The following LDLRAD4 variants were observed in gnomAD, a reference collection of about 807,000 sequenced individuals.
LDLRAD4 encodes the protein low-density lipoprotein receptor class A domain-containing protein 4.
In LDLRAD4, 5 loss-of-function variants were observed where a neutral mutation model predicts 17.0. The ratio of observed to expected loss-of-function variants is 0.29; its 90% CI spans 0.15 to 0.62. LDLRAD4 has a LOEUF of 0.62. Ranked by LOEUF, LDLRAD4 falls within the 20% of genes least tolerant of loss-of-function variation. The pLI is 0.84. For missense variants in LDLRAD4, 340 were observed against 424.7 expected (o/e 0.80, Z 1.75); for synonymous variants, 168 against 171.8 (o/e 0.98, Z 0.17).
chr18:13,637,748 C>T (rs958911015), intron 4 of LDLRAD4, among the ~76,000 whole-genome samples: 1 of 151,964 alleles, frequency 6.6e-6, no homozygotes, highest in Non-Finnish European at 1.5e-5. Flanking sequence ...TGCCTGTAGT[C>T]CCAGCTACTC....
At chr18:13,311,991 C>A (rs963421261) in intron 1 of LDLRAD4, among the ~76,000 whole-genome samples, 1 of 152,086 alleles carries the variant, frequency 6.6e-6, no homozygotes, top group Non-Finnish European at 1.5e-5. Context: ...ACCACCACAC[C>A]CGGCTATTTT....
chr18:13,254,343 G>A (rs997183625), intron 1 of LDLRAD4, among the ~76,000 whole-genome samples: 1 of 152,222 alleles, frequency 6.6e-6, no homozygotes, highest in Non-Finnish European at 1.5e-5. Context: ...GCCTTGGGGA[G>A]CCATTGGAGT....
chr18:13,236,864 A>T (rs571568706), intron 1 of LDLRAD4, among the ~76,000 whole-genome samples: 1 of 152,138 alleles, frequency 6.6e-6, no homozygotes, highest in South Asian at 2.1e-4. Context: ...TGTCCCTGGA[A>T]CTGTGGACTC....
rs142763785 is a variant in LDLRAD4, at chr18:13,454,823, T to C, written c.181+16439T>C. 4.2e-3 allele frequency among the ~76,000 whole-genome samples: 639 copies of C among 152,338 alleles called. 3 individuals are homozygous for C. Among genetic ancestry groups the C allele is most frequent in the African/African-American group, 0.014 (585 of 41,566 alleles). On this transcript the variant is annotated intron_variant, in intron 3 of 5. Coordinates refer to ENST00000359446, the Ensembl canonical transcript of LDLRAD4. ...ATGAATGGGGATGTGTGGGATGTCA[T>C]GTTGCCTTTGGAGATCAGACCACTC...
chr18:13,442,129 A>G (rs1411829824), intron 3 of LDLRAD4, among the ~76,000 whole-genome samples: 2 of 152,264 alleles, frequency 1.3e-5, no homozygotes, highest in African/African-American at 4.8e-5. Context: ...TAAAATAATT[A>G]TACAAATTAT....
chr18:13,225,468 A>G (rs1289956936), intron 1 of LDLRAD4, among the ~76,000 whole-genome samples: 1 of 152,176 alleles, frequency 6.6e-6, no homozygotes, highest in East Asian at 1.9e-4. Context: ...CTAGCCCGGC[A>G]TGGGGCTGAT....
intron 3 of LDLRAD4, chr18:13,543,117 A>G (rs2094310220): frequency 6.6e-6 from 1 of 152,132 alleles, no homozygotes; most frequent in African/African-American, 2.4e-5. Flanking sequence ...TTTCTTTAAC[A>G]TGGTTCTTCT....
chr18:13,541,096 C>T (rs941545611), intron 3 of LDLRAD4, among the ~76,000 whole-genome samples: 1 of 152,172 alleles, frequency 6.6e-6, no homozygotes, highest in African/African-American at 2.4e-5. Flanking sequence ...CCCACACACA[C>T]CTCCAAAGCC....
chr18:13,387,484 G>A (rs2085923395), exon 2 of LDLRAD4: 2 of 452,164 alleles, frequency 4.4e-6, no homozygotes, highest in South Asian at 2.5e-5. Context: ...CCGCGCCATG[G>A]CCTCCGCGCC....
intron 3 of LDLRAD4, among the ~76,000 whole-genome samples, chr18:13,453,255 G>A (rs750681809): frequency 9.9e-5 from 15 of 152,164 alleles, no homozygotes; most frequent in Non-Finnish European, 2.2e-4. Context: ...GAGGAGGCCC[G>A]TGAACTGGTG....
intron 3 of LDLRAD4, among the ~76,000 whole-genome samples, chr18:13,533,128 C>T (rs912792423): frequency 2.0e-5 from 3 of 152,164 alleles, no homozygotes; most frequent in Middle Eastern, 3.2e-3. Flanking sequence ...GATAAGCCAG[C>T]GACCAATAGA....
At chr18:13,252,572 G>A (rs1260267466) in intron 1 of LDLRAD4, among the ~76,000 whole-genome samples, 1 of 152,188 alleles carries the variant, frequency 6.6e-6, no homozygotes, top group African/African-American at 2.4e-5. Context: ...ATTGCTTAAT[G>A]TTATTACAAT....
intron 1 of LDLRAD4, among the ~76,000 whole-genome samples, chr18:13,343,514 G>T (rs369822745): frequency 1.3e-5 from 2 of 152,018 alleles, no homozygotes; most frequent in African/African-American, 4.8e-5. Context: ...CTAAGTCTTT[G>T]CTATTGTGAA....
At chr18:13,501,353 A>G (rs2093610894) in intron 3 of LDLRAD4, 2 of 152,208 alleles carry the variant, frequency 1.3e-5, no homozygotes, top group African/African-American at 2.4e-5. Flanking sequence ...AGATTTTGGC[A>G]TTAAACCTAG....
rs375627841 is a variant in LDLRAD4 at position 13,373,989 on chromosome 18, C to T, written c.-382-13352C>T. 5.9e-5 allele frequency among the ~76,000 whole-genome samples: 9 copies of T among 151,786 alleles called. No homozygotes were observed. In the South Asian group the frequency reaches 1.0e-3, roughly 18 times the overall value. ...TATTTTCTAAATATTTCACATATTTCCACCATGCAAACGTGTGGAAATGTG... is the reference window on the plus strand; with the variant it reads ...TATTTTCTAAATATTTCACATATTTTCACCATGCAAACGTGTGGAAATGTG... On this transcript the variant is annotated intron_variant, in intron 1 of 5. Coordinates refer to ENST00000359446, the Ensembl canonical transcript of LDLRAD4.
intron 3 of LDLRAD4, among the ~76,000 whole-genome samples, chr18:13,581,337 G>A (rs2094854354): frequency 6.6e-6 from 1 of 152,128 alleles, no homozygotes; most frequent in Admixed American, 6.5e-5. Flanking sequence ...ATTTCTGCTA[G>A]TTGTTTTTTT....
chr18:13,405,983 G>T (rs1157868250), intron 2 of LDLRAD4, among the ~76,000 whole-genome samples: 4 of 152,176 alleles, frequency 2.6e-5, no homozygotes, highest in East Asian at 1.9e-4. Flanking sequence ...CTCAGTAAAG[G>T]TTCCACGGTG....
In LDLRAD4 at chr18:13,584,603, A is replaced by G. The variant is rs548136471; in HGVS notation, c.182-36514A>G. ...AGGATGGCTCGGTGGAGGGATGGCT[A>G]CAAAACCTGTCTTTTCTCATACTCA... On this transcript the variant is annotated intron_variant, in intron 3 of 5. Coordinates refer to ENST00000359446, the Ensembl canonical transcript of LDLRAD4. Among the ~76,000 whole-genome samples the G allele has an allele frequency of 3.3e-5, 5 of 152,342 alleles. No homozygotes were observed. The South Asian group carries it at 1.0e-3, about 32-fold the overall frequency.
In LDLRAD4 at chr18:13,459,159, C is replaced by CAAAAAAAAAA. The variant is rs534798084; in HGVS notation, c.181+20798_181+20807dup. The stretch of plus-strand genomic sequence containing the variant: ...ACATAGTGAGACTCCATCTCTACAC[C>CAAAAAAAAAA]AAAAAAAAAAAAAAAAAAAAAAAAA... On this transcript the variant is annotated intron_variant, in intron 3 of 5. Transcript: ENST00000359446. Among the ~76,000 whole-genome samples, 8 of 53,746 alleles carry CAAAAAAAAAA rather than the reference C, an allele frequency of 1.5e-4. 1 individual carries two copies. Among genetic ancestry groups the CAAAAAAAAAA allele is most frequent in the African/African-American group, 4.8e-4 (8 of 16,612 alleles). 35.3% of individuals were successfully genotyped at this position (53,746 alleles called of 152,430 possible).
Sources: allele counts gnomAD v4.1 joint callset (sites outside exome capture counted in the v4.1 genomes callset), GRCh38; gene constraint gnomAD v4.1.1; transcripts MANE v1.5; gene names NCBI Gene and HGNC (gene_info 2026-07-23, HGNC 2026-07-21).